ROCK1: variants seen among roughly 807,000 people sequenced by gnomAD.
The protein encoded by ROCK1 is Rho associated coiled-coil containing protein kinase 1, also known as rho-associated protein kinase 1.
ROCK1 carries 36 observed loss-of-function variants against 196.8 expected under a neutral mutation model. That is an observed-to-expected ratio of 0.18 (90% CI 0.14 to 0.24). The LOEUF (loss-of-function observed/expected upper bound fraction) is 0.24, where lower values mean the gene tolerates loss of function less well. ROCK1 is among the 10% of genes least tolerant of loss of function. The pLI, the probability that ROCK1 is intolerant of heterozygous loss-of-function variation, is 1.00. For synonymous variants in ROCK1, 443 were observed against 515.9 expected, an observed-to-expected ratio of 0.86 and a Z score of 1.91; for missense variants, 920 against 1,562.0, an observed-to-expected ratio of 0.59 and a Z score of 6.93.
chr18:20,970,569 C>G, intron 22 of ROCK1, 56 bp from the exon 23 acceptor site: 1 of 1,171,710 alleles, frequency 8.5e-7, no homozygotes, highest in Non-Finnish European at 1.2e-6. Context: ...ATCCTTCCAA[C>G]TTAATCATAT....
chr18:21,016,592 T>G lies in ROCK1; in HGVS notation c.1362-1113A>C, dbSNP rs190096042. On this transcript the variant is annotated intron_variant, in intron 12 of 32. Coordinates refer to ENST00000399799, the MANE Select transcript of ROCK1 (RefSeq NM_005406.3). ...CAACATTTTCACGTGGATGTCTCATTAAATACCTCATTCAGCATCTCCAAA... is the reference window on the plus strand; with the variant it reads ...CAACATTTTCACGTGGATGTCTCATGAAATACCTCATTCAGCATCTCCAAA... Among the ~76,000 whole-genome samples, 70 of 152,274 alleles carry G rather than the reference T, an allele frequency of 4.6e-4. 1 individual carries two copies. The East Asian group carries it at 0.011, about 23-fold the overall frequency.
rs1247893295 is a variant in ROCK1 at position 20,992,857 on chromosome 18, G to C, written c.1966C>G (p.Gln656Glu). 2 of 1,606,786 alleles carry C rather than the reference G, an allele frequency of 1.2e-6. No homozygotes were observed. Among genetic ancestry groups the C allele is most frequent in the South Asian group, 1.1e-5 (1 of 90,858 alleles). ...TTTTCTGAGTGATTAAGCATGTCTTGAGCCTCTTTTCTTTCTCCTTCCACT... is the reference window on the plus strand; with the variant it reads ...TTTTCTGAGTGATTAAGCATGTCTTCAGCCTCTTTTCTTTCTCCTTCCACT... Reference protein sequence around the residue: ...EKVEGERKEAQDMLNHSEKEK... With the variant: ...EKVEGERKEAEDMLNHSEKEK... The change falls in exon 17 of 33, where the codon CAA (glutamine) becomes GAA (glutamate). Residue 656 changes from glutamine (Q) to glutamate (E), a missense_variant. By Grantham distance (29) the Gln-to-Glu change is conservative. Transcript: ENST00000399799.
At chr18:21,106,433 C>T (rs1447949744) in intron 1 of ROCK1, among the ~76,000 whole-genome samples, 4 of 152,132 alleles carry the variant, frequency 2.6e-5, no homozygotes, top group African/African-American at 9.7e-5. Context: ...CCTCCAGGAG[C>T]GAGCCACTGC....
At position 20,997,191 on chromosome 18, in the gene ROCK1, C is replaced by CAA. The variant is rs1156526579; in HGVS notation, c.1886-4256_1886-4255dup. Among the ~76,000 whole-genome samples the CAA allele has an allele frequency of 5.3e-5, 8 of 151,552 alleles. No homozygotes were observed. In the South Asian group the frequency reaches 1.7e-3, roughly 32 times the overall value. On this transcript the variant is annotated intron_variant, in intron 16 of 32. Transcript: ENST00000399799. ...ACCAAAAAACAAACAAATAAAAAAACAAAAAAACAGAACCCAATGATCTGT... is the reference window on the plus strand; with the variant it reads ...ACCAAAAAACAAACAAATAAAAAAACAAAAAAAAACAGAACCCAATGATCTGT...
chr18:21,023,597 C>A, intron 11 of ROCK1, 23 bp downstream of exon 11: 1 of 1,325,832 alleles, frequency 7.5e-7, no homozygotes, highest in South Asian at 1.4e-5. Flanking sequence ...AAACAATTTT[C>A]TTAATACTAA....
rs1231703615 is a variant in ROCK1, at chr18:21,111,019, C to T, written c.-109G>A. On this transcript the variant is annotated 5_prime_UTR_variant, in exon 1 of 33. Transcript: ENST00000399799. This position sits in a 1 kb window ranked among gnomAD's most constrained non-coding sequence, Gnocchi z 4.2. ...AGCCGCGGGGCGGAGGAGCCGGAAC[C>T]TCAGGGTCACCAGGTGCGCCCGGTT... 2.4e-6 allele frequency: 2 copies of T among 847,476 alleles called. No homozygotes were observed. The highest frequency in any genetic ancestry group is 3.0e-4 in the Middle Eastern group (1 of 3,362). 52.5% of individuals were successfully genotyped at this position (847,476 alleles called of 1,614,324 possible).
intron 11 of ROCK1, among the ~76,000 whole-genome samples, chr18:21,021,128 T>C (rs1435188534): frequency 6.6e-6 from 1 of 152,148 alleles, no homozygotes; most frequent in Non-Finnish European, 1.5e-5. Flanking sequence ...GAAAGCACAA[T>C]GTATGACCAA....
chr18:20,976,999 C>T (rs866739105), intron 22 of ROCK1, among the ~76,000 whole-genome samples: 1 of 152,110 alleles, frequency 6.6e-6, no homozygotes, highest in African/African-American at 2.4e-5. Context: ...CTTCCTACTT[C>T]GTTTTATGCA....
chr18:21,107,166 G>T (rs1011464312), intron 1 of ROCK1, among the ~76,000 whole-genome samples: 3 of 152,150 alleles, frequency 2.0e-5, no homozygotes, highest in African/African-American at 4.8e-5. Context: ...ATCTCACAAG[G>T]TCAGGTGGAT....
intron 27 of ROCK1, 112 bp from the exon 28 acceptor site, chr18:20,960,318 A>C (rs2035315122): frequency 1.5e-6 from 1 of 665,152 alleles, no homozygotes; most frequent in African/African-American, 1.8e-5. Flanking sequence ...AACTAAATGA[A>C]TAAGTGCTAT....
chr18:21,017,186 CTTTTTTTT>C (rs774542704), intron 12 of ROCK1, among the ~76,000 whole-genome samples: 2 of 99,090 alleles, frequency 2.0e-5, no homozygotes, highest in African/African-American at 4.3e-5. Flanking sequence ...TACCACACTT[CTTTTTTTT>C]TTTTTTTTTT....
intron 2 of ROCK1, among the ~76,000 whole-genome samples, chr18:21,065,519 G>T (rs1324291830): frequency 6.6e-6 from 1 of 151,804 alleles, no homozygotes; most frequent in East Asian, 1.9e-4. Context: ...TATGAATCTT[G>T]TACCCTAAAG....
intron 9 of ROCK1, among the ~76,000 whole-genome samples, chr18:21,037,214 T>C (rs1336730247): frequency 2.0e-5 from 3 of 152,092 alleles, no homozygotes; most frequent in African/African-American, 7.3e-5. Context: ...AAAATCTTCA[T>C]ACTTTGTGAA....
intron 1 of ROCK1, among the ~76,000 whole-genome samples, chr18:21,096,532 C>T (rs1476507307): frequency 2.0e-5 from 3 of 152,114 alleles, no homozygotes; most frequent in African/African-American, 7.2e-5. Context: ...GGTTCTATCA[C>T]TTACAACTGA....
At chr18:20,962,879 C>T (rs2035340084) in intron 27 of ROCK1, among the ~76,000 whole-genome samples, 1 of 152,088 alleles carries the variant, frequency 6.6e-6, no homozygotes, top group African/African-American at 2.4e-5. Context: ...TAAAAAAATA[C>T]ATACTAGCTT....
At chr18:20,964,008 C>T (rs1306205224) in intron 27 of ROCK1, among the ~76,000 whole-genome samples, 2 of 151,946 alleles carry the variant, frequency 1.3e-5, no homozygotes. Context: ...AAAATGGCCA[C>T]TAAGGATTCA....
At chr18:21,038,154 CAA>C (rs1055906727) in intron 9 of ROCK1, among the ~76,000 whole-genome samples, 1 of 152,086 alleles carries the variant, frequency 6.6e-6, no homozygotes, top group Non-Finnish European at 1.5e-5. Context: ...AATAAAAACA[CAA>C]AAAGTGTTTT....
At chr18:21,017,249 C>G (rs1269539865) in intron 12 of ROCK1, among the ~76,000 whole-genome samples, 1 of 139,790 alleles carries the variant, frequency 7.2e-6, no homozygotes, top group East Asian at 2.1e-4. Context: ...TGGAGTGCAG[C>G]AGCGCAATCT....
At chr18:20,972,871 G>A (rs1288462274) in intron 22 of ROCK1, among the ~76,000 whole-genome samples, 23 of 152,192 alleles carry the variant, frequency 1.5e-4, no homozygotes, top group Admixed American at 1.5e-3. Flanking sequence ...GTGGGATGGT[G>A]GCTACCATGT....
Sources: allele counts gnomAD v4.1 joint callset (sites outside exome capture counted in the v4.1 genomes callset), GRCh38; gene constraint gnomAD v4.1.1; non-coding constraint Gnocchi (gnomAD v3.1); transcripts MANE v1.5; gene names NCBI Gene and HGNC (gene_info 2026-07-23, HGNC 2026-07-21).